The following FGGY variants were observed in gnomAD, a reference collection of about 807,000 sequenced individuals.
FGGY encodes the protein FGGY carbohydrate kinase domain containing, also known as FGGY carbohydrate kinase domain-containing protein.
Under a neutral mutation model 71.3 loss-of-function variants are expected in FGGY, and 72 were observed. That is an observed-to-expected ratio of 1.01 (90% CI 0.84 to 1.23). The LOEUF (loss-of-function observed/expected upper bound fraction) is 1.23. Among genes scored for constraint, FGGY ranks in the 50% most tolerant of loss-of-function variants. FGGY has a pLI of 0.00. For synonymous variants in FGGY, 251 were observed against 250.3 expected, an observed-to-expected ratio of 1.00 and a Z score of -0.02; for missense variants, 668 against 682.3, an observed-to-expected ratio of 0.98 and a Z score of 0.23.
intron 7 of FGGY, among the ~76,000 whole-genome samples, chr1:59,539,935 G>C (rs2095413736): frequency 6.6e-6 from 1 of 152,202 alleles, no homozygotes; most frequent in African/African-American, 2.4e-5. Flanking sequence ...ATGGTTAAAT[G>C]TGTATAAATG....
chr1:59,640,578 TAC>T (rs2097014001), intron 11 of FGGY, among the ~76,000 whole-genome samples: 2 of 142,338 alleles, frequency 1.4e-5, no homozygotes, highest in South Asian at 4.4e-4. Context: ...AAGATCCATG[TAC>T]AATTTCTTCT....
At chr1:59,314,327 G>A (rs1186627059) in intron 1 of FGGY, among the ~76,000 whole-genome samples, 1 of 152,170 alleles carries the variant, frequency 6.6e-6, no homozygotes, top group East Asian at 1.9e-4. Flanking sequence ...GGAGGTGAAG[G>A]TTGATTTGAG....
chr1:59,317,907 AGGCCACCT>A (rs2045736387), intron 1 of FGGY, among the ~76,000 whole-genome samples: 1 of 152,222 alleles, frequency 6.6e-6, no homozygotes, highest in Non-Finnish European at 1.5e-5. Context: ...TGCTAGAAGC[AGGCCACCT>A]GGTGTTGTGG....
At chr1:59,403,608 CA>C (rs1171593800) in intron 5 of FGGY, among the ~76,000 whole-genome samples, 1 of 152,122 alleles carries the variant, frequency 6.6e-6, no homozygotes, top group Non-Finnish European at 1.5e-5. Context: ...GGCCACCTGG[CA>C]AAAGGACAGC....
Position 59,600,418 on chromosome 1 carries a change from A to T in FGGY, c.904-7385A>T, listed in dbSNP as rs549843755. Among the ~76,000 whole-genome samples the T allele has an allele frequency of 1.2e-4, 19 of 152,288 alleles. No homozygotes were observed. The South Asian group carries it at 3.3e-3, about 27-fold the overall frequency. ...ATGTGGAGCTCAGGAGCAAGGCCTG[A>T]GTGTGGGATAAAAATTGTCATTGCA... On this transcript the variant is annotated intron_variant, in intron 8 of 15. Coordinates refer to ENST00000303721, the MANE Select transcript of FGGY (RefSeq NM_018291.5).
At chr1:59,471,986 C>G (rs540795653) in intron 6 of FGGY, among the ~76,000 whole-genome samples, 8 of 152,334 alleles carry the variant, frequency 5.3e-5, no homozygotes, top group African/African-American at 1.9e-4. Context: ...TCACAGCCCT[C>G]GCTCGCTCTC....
At chr1:59,726,094 C>T (rs767806096) in intron 14 of FGGY, among the ~76,000 whole-genome samples, 15 of 151,962 alleles carry the variant, frequency 9.9e-5, no homozygotes, top group Non-Finnish European at 2.1e-4. Context: ...CCCCTATATT[C>T]ATAGTTTGCT....
intron 6 of FGGY, among the ~76,000 whole-genome samples, chr1:59,479,989 G>A (rs1160370371): frequency 6.6e-6 from 1 of 152,124 alleles, no homozygotes; most frequent in Non-Finnish European, 1.5e-5. Context: ...GTCAGTCTTA[G>A]GCTCCAAATA....
intron 13 of FGGY, 25 bp downstream of exon 13, chr1:59,667,428 G>T: frequency 6.2e-7 from 1 of 1,611,440 alleles, no homozygotes; most frequent in South Asian, 1.1e-5. Flanking sequence ...GAGGAGAGAA[G>T]GTCACTTTTT....
At chr1:59,595,311 T>C (rs1481833357) in intron 8 of FGGY, among the ~76,000 whole-genome samples, 1 of 124,090 alleles carries the variant, frequency 8.1e-6, no homozygotes. Context: ...TCATTTGTAA[T>C]GCCTTTTTTT....
intron 9 of FGGY, among the ~76,000 whole-genome samples, chr1:59,618,647 T>A (rs926417541): frequency 3.3e-5 from 5 of 152,092 alleles, no homozygotes; most frequent in Non-Finnish European, 5.9e-5. Context: ...TTAAATACAA[T>A]ATCTGAAATA....
chr1:59,667,715 A>G (rs1242415858), intron 13 of FGGY, among the ~76,000 whole-genome samples: 2 of 152,194 alleles, frequency 1.3e-5, no homozygotes, highest in African/African-American at 2.4e-5. Flanking sequence ...TGATCCACAC[A>G]TTGTGGAGAA....
At chr1:59,348,346 C>T (rs2052542488) in intron 4 of FGGY, among the ~76,000 whole-genome samples, 1 of 152,176 alleles carries the variant, frequency 6.6e-6, no homozygotes, top group Admixed American at 6.5e-5. Flanking sequence ...CTCATCCCAC[C>T]TGCACTCGAG....
chr1:59,439,446 A>G (rs2069243589), intron 5 of FGGY, among the ~76,000 whole-genome samples: 1 of 152,236 alleles, frequency 6.6e-6, no homozygotes, highest in Non-Finnish European at 1.5e-5. Flanking sequence ...CAACAATACT[A>G]ATAAAAACAC....
Position 59,299,224 on chromosome 1 carries a change from G to T in FGGY, c.-15+2074G>T, listed in dbSNP as rs576938790. 5.9e-5 allele frequency among the ~76,000 whole-genome samples: 9 copies of T among 152,208 alleles called. No homozygotes were observed. The East Asian group carries it at 1.5e-3, about 26-fold the overall frequency. ...ATATGAACCGGGAACAGCATGTGCA[G>T]AACTACACAAGCATGGCACATGGTT... On this transcript the variant is annotated intron_variant, in intron 1 of 15. Coordinates refer to ENST00000303721, the MANE Select transcript of FGGY (RefSeq NM_018291.5).
chr1:59,641,170 A>G (rs150551320), intron 11 of FGGY: 5 of 711,180 alleles, frequency 7.0e-6, no homozygotes, highest in East Asian at 5.4e-5. Context: ...AGAGCATGGC[A>G]TGTGAATGTC....
intron 4 of FGGY, among the ~76,000 whole-genome samples, chr1:59,346,947 CTTTTTTT>C (rs71580898): frequency 5.3e-5 from 6 of 112,192 alleles, no homozygotes; most frequent in African/African-American, 1.3e-4. Flanking sequence ...AAAATCAATT[CTTTTTTT>C]TTTTTTTTTT....
At chr1:59,667,259 C>A in intron 12 of FGGY, 24 bp from the exon 13 acceptor site, 1 of 1,613,686 alleles carries the variant, frequency 6.2e-7, no homozygotes, top group South Asian at 1.1e-5. Context: ...TATACTGATG[C>A]TATCTTCTGC....
intron 5 of FGGY, among the ~76,000 whole-genome samples, chr1:59,439,467 C>A (rs1187199644): frequency 6.6e-6 from 1 of 152,148 alleles, no homozygotes; most frequent in Non-Finnish European, 1.5e-5. Flanking sequence ...CAGAAATCAT[C>A]TGTGTAATCC....
Sources: allele counts gnomAD v4.1 joint callset (sites outside exome capture counted in the v4.1 genomes callset), GRCh38; gene constraint gnomAD v4.1.1; transcripts MANE v1.5; gene names NCBI Gene and HGNC (gene_info 2026-07-23, HGNC 2026-07-21).